ZNF613: variants seen among roughly 807,000 people sequenced by gnomAD.
ZNF613 encodes zinc finger protein 613.
A neutral mutation model predicts 14.3 loss-of-function variants in ZNF613; 8 were observed. That is an observed-to-expected ratio of 0.56 (90% confidence interval 0.33 to 1.01). The LOEUF (loss-of-function observed/expected upper bound fraction) is 1.01, where lower values mean the gene tolerates loss of function less well. ZNF613 is among the 50% of genes least tolerant of loss of function. ZNF613 has a pLI of 0.03. For synonymous variants in ZNF613, 228 were observed against 254.5 expected, an observed-to-expected ratio of 0.90 and a Z score of 0.99; for missense variants, 656 against 741.9, an observed-to-expected ratio of 0.88 and a Z score of 1.35.
chr19:51,939,992 C>T (rs8104323), intron 3 of ZNF613, among the ~76,000 whole-genome samples: 26,602 of 151,398 alleles, frequency 0.18, 3,216 homozygotes, highest in African/African-American at 0.34. Flanking sequence ...TAGATAATTA[C>T]ACAATTACAG....
In ZNF613 at chr19:51,940,640, G is replaced by A; in HGVS notation, c.166G>A (p.Ala56Thr). 6.2e-7 allele frequency: 1 copy of A among 1,613,350 alleles called. No homozygotes were observed. The highest frequency in any genetic ancestry group is 8.5e-7 in the Non-Finnish European group (1 of 1,179,620). ...AGGGTATCAAGCCAGCAAACCAGAT[G>A]CACTCTTCAAGTTGGAACAAGGAGA... ...SVGYQASKPD[A>T]LFKLEQGEPW... The change falls in exon 5 of 6, where the codon GCA (alanine) becomes ACA (threonine). Residue 56 changes from alanine to threonine, a missense_variant. By Grantham distance (58) the Ala-to-Thr change is moderately conservative. Coordinates refer to ENST00000293471, the MANE Select transcript of ZNF613 (RefSeq NM_001031721.4).
At chr19:51,928,128 ATGTTG>A (rs1332362812) in intron 1 of ZNF613, 2 of 152,486 alleles carry the variant, frequency 1.3e-5, no homozygotes, top group Non-Finnish European at 2.9e-5. Context: ...GGGTCTCACT[ATGTTG>A]CCCAGGCTGG....
At chr19:51,928,319 G>T (rs115110730) in intron 1 of ZNF613, among the ~76,000 whole-genome samples, 134 of 152,298 alleles carry the variant, frequency 8.8e-4, no homozygotes, top group African/African-American at 3.2e-3. Flanking sequence ...TAATCTAAGG[G>T]GGTGTGACCA....
At chr19:51,937,972 C>G (rs903695861) in intron 3 of ZNF613, among the ~76,000 whole-genome samples, 3 of 151,924 alleles carry the variant, frequency 2.0e-5, no homozygotes, top group African/African-American at 4.8e-5. Flanking sequence ...CTCAAATGAT[C>G]CTCCCACCTC....
At chr19:51,938,803 G>A (rs971633886) in intron 3 of ZNF613, among the ~76,000 whole-genome samples, 2 of 148,640 alleles carry the variant, frequency 1.3e-5, no homozygotes, top group Non-Finnish European at 3.0e-5. Context: ...CTATACCGTA[G>A]AGCCTGGGCA....
At chr19:51,934,589 G>T (rs534317397) in intron 2 of ZNF613, among the ~76,000 whole-genome samples, 1 of 152,108 alleles carries the variant, frequency 6.6e-6, no homozygotes, top group East Asian at 1.9e-4. Flanking sequence ...GTCCTGTTTG[G>T]TAGTGATGCT....
At chr19:51,943,048 G>A (rs1449622168) in intron 5 of ZNF613, among the ~76,000 whole-genome samples, 1 of 152,180 alleles carries the variant, frequency 6.6e-6, no homozygotes, top group Non-Finnish European at 1.5e-5. Context: ...AGGGAGTTTT[G>A]AGTAGAAGAG....
At chr19:51,938,750 A>ATATATATATATG (rs1568465455) in intron 3 of ZNF613, among the ~76,000 whole-genome samples, 8 of 138,470 alleles carry the variant, frequency 5.8e-5, no homozygotes, top group Admixed American at 7.0e-5. Flanking sequence ...ATATATATAT[A>ATATATATATATG]TGTGCAATAT....
At chr19:51,940,452 C>T (rs2085339320) in intron 4 of ZNF613, 117 bp downstream of exon 4, 2 of 1,562,138 alleles carry the variant, frequency 1.3e-6, no homozygotes, top group African/African-American at 1.4e-5. Flanking sequence ...TCTGTACCCT[C>T]TCTGGCCCCA....
intron 1 of ZNF613, among the ~76,000 whole-genome samples, chr19:51,929,073 T>A (rs528725845): frequency 4.6e-5 from 7 of 152,286 alleles, no homozygotes; most frequent in Admixed American, 4.6e-4. Flanking sequence ...TTTGATAAGA[T>A]TTTTGTATAT....
chr19:51,936,360 T>C, intron 3 of ZNF613, 125 bp downstream of exon 3: 1 of 978,410 alleles, frequency 1.0e-6, no homozygotes, highest in Non-Finnish European at 1.5e-6. Context: ...TCAGTAAATT[T>C]AGATTGTAAT....
intron 2 of ZNF613, among the ~76,000 whole-genome samples, chr19:51,931,165 C>G (rs2122805127): frequency 6.6e-6 from 1 of 152,296 alleles, no homozygotes; most frequent in East Asian, 1.9e-4. Flanking sequence ...GTTAATAGAC[C>G]TAAATCCTTT....
chr19:51,931,175 T>C (rs1482248201), intron 2 of ZNF613, among the ~76,000 whole-genome samples: 1 of 152,250 alleles, frequency 6.6e-6, no homozygotes, highest in East Asian at 1.9e-4. Context: ...CTAAATCCTT[T>C]ACGTCAACTT....
At chr19:51,931,594 A>T (rs981500149) in intron 2 of ZNF613, among the ~76,000 whole-genome samples, 3 of 152,244 alleles carry the variant, frequency 2.0e-5, no homozygotes, top group Non-Finnish European at 4.4e-5. Flanking sequence ...ATAGTTTCAT[A>T]GAACTTTTTT....
In ZNF613 at chr19:51,944,510, T is replaced by C; in HGVS notation, c.627T>C (p.Cys209=). The change falls in exon 6 of 6, where the codon TGT becomes TGC. Residue 209 remains cysteine (C), a synonymous_variant. Coordinates refer to ENST00000293471, the MANE Select transcript of ZNF613 (RefSeq NM_001031721.4). Reference sequence around the variant, plus strand: ...ATAAACCCCATGTATGCACTGAGTGTGGGAAGGCTTTCCTCAAGAAGTCTC... The same window carrying C: ...ATAAACCCCATGTATGCACTGAGTGCGGGAAGGCTTTCCTCAAGAAGTCTC... ...NIDKPHVCTE[C]GKAFLKKSRL... 6.2e-7 allele frequency: 1 copy of C among 1,612,378 alleles called. No homozygotes were observed. The highest frequency in any genetic ancestry group is 8.5e-7 in the Non-Finnish European group (1 of 1,178,788).
chr19:51,931,760 C>G (rs73582156), intron 2 of ZNF613, among the ~76,000 whole-genome samples: 4,189 of 152,302 alleles, frequency 0.028, 185 homozygotes, highest in African/African-American at 0.095. Context: ...ACTTCACATT[C>G]TCCCCTCCAG....
At chr19:51,929,634 T>C (rs1480049883) in intron 1 of ZNF613, 98 bp from the exon 2 acceptor site, 1 of 152,236 alleles carries the variant, frequency 6.6e-6, no homozygotes, top group Non-Finnish European at 1.5e-5. Flanking sequence ...GCCTACCATC[T>C]GGATTTTATC....
intron 5 of ZNF613, chr19:51,942,581 A>G: frequency 6.6e-6 from 1 of 152,434 alleles, no homozygotes; most frequent in East Asian, 1.9e-4. Context: ...GTGAATACAG[A>G]GGAGTGAACA....
chr19:51,940,178 C>A, intron 3 of ZNF613, 31 bp from the exon 4 acceptor site: 1 of 1,609,706 alleles, frequency 6.2e-7, no homozygotes, highest in Non-Finnish European at 8.5e-7. Flanking sequence ...GAGAGAAATA[C>A]TTCATATTAA....
Sources: allele counts gnomAD v4.1 joint callset (sites outside exome capture counted in the v4.1 genomes callset), GRCh38; gene constraint gnomAD v4.1.1; transcripts MANE v1.5; gene names NCBI Gene and HGNC (gene_info 2026-07-23, HGNC 2026-07-21).